ZFP64: variants seen among roughly 807,000 people sequenced by gnomAD.
ZFP64 encodes zinc finger protein 64.
In ZFP64, 14 loss-of-function variants were observed where a neutral mutation model predicts 51.6. The ratio of observed to expected loss-of-function variants is 0.27; its 90% CI spans 0.18 to 0.42. ZFP64 has a LOEUF of 0.42. Ranked by LOEUF, ZFP64 falls within the 10% of genes least tolerant of loss-of-function variation. The pLI is 1.00. For synonymous variants in ZFP64, 375 were observed against 361.4 expected, an observed-to-expected ratio of 1.04 and a Z score of -0.43; for missense variants, 754 against 906.8, an observed-to-expected ratio of 0.83 and a Z score of 2.16.
chr20:52,141,012 T>G (rs1034593994), intron 5 of ZFP64, among the ~76,000 whole-genome samples: 2 of 152,166 alleles, frequency 1.3e-5, no homozygotes, highest in African/African-American at 4.8e-5. Context: ...AATGGAACCA[T>G]GAAGGCTGGA....
intron 7 of ZFP64, among the ~76,000 whole-genome samples, chr20:52,092,818 T>C (rs1195930290): frequency 6.6e-6 from 1 of 152,190 alleles, no homozygotes; most frequent in Non-Finnish European, 1.5e-5. Context: ...AGTGCACCAC[T>C]GTACTCCAGC....
At chr20:52,144,739 TA>T (rs1403054135) in intron 5 of ZFP64, among the ~76,000 whole-genome samples, 2 of 150,898 alleles carry the variant, frequency 1.3e-5, no homozygotes, top group African/African-American at 4.9e-5. Flanking sequence ...AATACAACAA[TA>T]AAAAAAGAAA....
chr20:52,171,580 C>G (rs887129175), intron 2 of ZFP64, among the ~76,000 whole-genome samples: 1 of 151,894 alleles, frequency 6.6e-6, no homozygotes, highest in African/African-American at 2.4e-5. Context: ...ACCTCCGCCT[C>G]CCGGGTTCAA....
intron 7 of ZFP64, among the ~76,000 whole-genome samples, chr20:52,092,661 T>C (rs2078941028): frequency 6.6e-6 from 1 of 152,140 alleles, no homozygotes; most frequent in Non-Finnish European, 1.5e-5. Flanking sequence ...GTTTGAGACC[T>C]GCCTGGCCAA....
intron 5 of ZFP64, chr20:52,117,769 T>G (rs1295251273): frequency 2.4e-6 from 1 of 423,502 alleles, no homozygotes; most frequent in Non-Finnish European, 4.6e-6. Context: ...GCTATACCAT[T>G]ATCATAAATT....
chr20:52,145,637 T>C (rs1053599106), intron 5 of ZFP64, among the ~76,000 whole-genome samples: 14 of 152,052 alleles, frequency 9.2e-5, no homozygotes, highest in Non-Finnish European at 1.9e-4. Flanking sequence ...ATACCCTTTC[T>C]CAAAAACAAA....
chr20:52,149,504 T>A (rs371197541), downstream of ZFP64, among the ~76,000 whole-genome samples: 7 of 152,180 alleles, frequency 4.6e-5, no homozygotes, highest in African/African-American at 1.7e-4. Context: ...ATGATACAAT[T>A]ACTATAGAAC....
chr20:52,188,566 G>A (rs950541373), intron 1 of ZFP64, among the ~76,000 whole-genome samples: 1 of 151,230 alleles, frequency 6.6e-6, no homozygotes, highest in African/African-American at 2.4e-5. Flanking sequence ...GCCCGCCTCA[G>A]CCTCCCAAAT....
rs117092663 is a variant in ZFP64, at chr20:52,105,494, C to A, written c.764-6907G>T. 25 of 492,496 alleles carry A rather than the reference C, an allele frequency of 5.1e-5. No individual in the cohort carries two copies. The East Asian group carries it at 9.2e-4, about 18-fold the overall frequency. 30.5% of individuals were successfully genotyped at this position (492,496 alleles called of 1,614,324 possible). ...GGAGCTCGTTAGAAATGCAGACTCTCGGGCTCTACCCCAGACCCGCTGAAT... is the reference window on the plus strand; with the variant it reads ...GGAGCTCGTTAGAAATGCAGACTCTAGGGCTCTACCCCAGACCCGCTGAAT... On this transcript the variant is annotated intron_variant, in intron 5 of 8. Coordinates refer to the ZFP64 transcript ENST00000361387.
chr20:52,109,780 CAAAAAAAAA>C (rs779914417), intron 5 of ZFP64, among the ~76,000 whole-genome samples: 6 of 46,124 alleles, frequency 1.3e-4, no homozygotes, highest in Non-Finnish European at 2.7e-4. Context: ...AATTCCACCT[CAAAAAAAAA>C]AAAAAAAAAA....
At chr20:52,136,106 A>G (rs867670564) in intron 5 of ZFP64, among the ~76,000 whole-genome samples, 2,160 of 149,672 alleles carry the variant, frequency 0.014, 37 homozygotes, top group African/African-American at 0.05. Context: ...CAAAAAAAAA[A>G]AAAAAAAAAA....
intron 2 of ZFP64, among the ~76,000 whole-genome samples, chr20:52,175,057 T>C (rs150836097): frequency 0.011 from 1,738 of 152,318 alleles, 13 homozygotes; most frequent in Non-Finnish European, 0.017. Context: ...ATTTTTTCTA[T>C]TGGAATTTTA....
chr20:52,119,478 T>A (rs1979045035), intron 5 of ZFP64, among the ~76,000 whole-genome samples: 1 of 143,444 alleles, frequency 7.0e-6, no homozygotes, highest in Non-Finnish European at 1.5e-5. Flanking sequence ...CAGCCAAGAC[T>A]GTCACTTCAC....
At chr20:52,102,263 T>TA (rs1247990300) in intron 5 of ZFP64, among the ~76,000 whole-genome samples, 1 of 152,134 alleles carries the variant, frequency 6.6e-6, no homozygotes, top group Middle Eastern at 3.2e-3. Context: ...CGTCAGCGTG[T>TA]ATCAGAATTG....
At chr20:52,117,081 G>GCA (rs74600972) in intron 5 of ZFP64, among the ~76,000 whole-genome samples, 10 of 150,776 alleles carry the variant, frequency 6.6e-5, no homozygotes, top group Middle Eastern at 3.4e-3. Flanking sequence ...ACACACACAC[G>GCA]CACACACACA....
At chr20:52,133,655 A>G (rs1189811750) in intron 5 of ZFP64, among the ~76,000 whole-genome samples, 2 of 152,184 alleles carry the variant, frequency 1.3e-5, no homozygotes, top group Non-Finnish European at 2.9e-5. Flanking sequence ...ACCAAAGAAC[A>G]TACGACCTGG....
chr20:52,134,420 G>A (rs1979872862), intron 5 of ZFP64, among the ~76,000 whole-genome samples: 1 of 152,234 alleles, frequency 6.6e-6, no homozygotes, highest in Admixed American at 6.5e-5. Context: ...ATATAAGCAG[G>A]GGGTTATTAA....
chr20:52,153,526 T>G lies in ZFP64; in HGVS notation c.764-98A>C. 3 of 1,479,848 alleles carry G rather than the reference T, an allele frequency of 2.0e-6. No individual in the cohort carries two copies. The highest frequency in any genetic ancestry group is 2.7e-6 in the Non-Finnish European group (3 of 1,112,722). The allele number at this position is 1,479,848 out of a possible 1,614,324, so 91.7% of individuals were successfully genotyped here. On this transcript the variant is annotated intron_variant, in intron 5 of 5. Coordinates refer to ENST00000216923, the MANE Select transcript of ZFP64 (RefSeq NM_018197.3). This position sits in a 1 kb window ranked among gnomAD's most constrained non-coding sequence, Gnocchi z 5.1. ...CAGAAAATCGCTTATACAAGGTGGGTGGGTGCAGACCTCCTAACTGCAGCT... is the reference window on the plus strand; with the variant it reads ...CAGAAAATCGCTTATACAAGGTGGGGGGGTGCAGACCTCCTAACTGCAGCT...
intron 2 of ZFP64, among the ~76,000 whole-genome samples, chr20:52,185,823 C>A (rs540180516): frequency 6.6e-6 from 1 of 151,006 alleles, no homozygotes; most frequent in South Asian, 2.1e-4. Flanking sequence ...TCAGGTGATC[C>A]ACCCGCCTTA....
Sources: allele counts gnomAD v4.1 joint callset (sites outside exome capture counted in the v4.1 genomes callset), GRCh38; gene constraint gnomAD v4.1.1; non-coding constraint Gnocchi (gnomAD v3.1); transcripts MANE v1.5; gene names NCBI Gene and HGNC (gene_info 2026-07-23, HGNC 2026-07-21).